IGSF10: variants seen among roughly 807,000 people sequenced by gnomAD.
IGSF10 encodes immunoglobulin superfamily member 10, also known as calvaria mechanical force protein 608.
In IGSF10, 126 loss-of-function variants were observed where a neutral mutation model predicts 128.2. The observed-to-expected ratio is 0.98, with a 90% CI of 0.85 to 1.14. The LOEUF is 1.14. IGSF10 is among the 50% of genes most tolerant of loss of function. IGSF10 has a pLI of 0.00. For synonymous variants in IGSF10, 1,185 were observed against 1,146.2 expected (o/e 1.03, Z -0.68); for missense variants, 3,295 against 3,149.8 (o/e 1.05, Z -1.10).
chr3:151,570,174 G>C, the IGSF10 span, among the ~76,000 whole-genome samples: 1 of 152,150 alleles, frequency 6.6e-6, no homozygotes, highest in Non-Finnish European at 1.5e-5. Context: ...TTGCTATTGT[G>C]AATAGTGCCG....
At chr3:151,530,681 A>T in the IGSF10 span, among the ~76,000 whole-genome samples, 11 of 152,180 alleles carry the variant, frequency 7.2e-5, no homozygotes, top group African/African-American at 2.4e-5. Context: ...TTTTGTCCCC[A>T]CCAGGCCTGC....
At chr3:151,486,682 G>A in the IGSF10 span, among the ~76,000 whole-genome samples, 1 of 152,118 alleles carries the variant, frequency 6.6e-6, no homozygotes, top group Non-Finnish European at 1.5e-5. Flanking sequence ...ACAGCTACAT[G>A]GAAACTGAAC....
chr3:151,460,289 T>C lies in IGSF10; in HGVS notation c.-30A>G, dbSNP rs1459513736. On this transcript the variant is annotated 5_prime_UTR_variant, in exon 2 of 8. Transcript: ENST00000282466. The stretch of plus-strand genomic sequence containing the variant: ...AGCTCTTCTTTCAGGTCCTGAGTCC[T>C]CTTGTGACATAGGCAGAGACAGAAA... The C allele has an allele frequency of 1.4e-5, 14 of 981,658 alleles. No individual in the cohort carries two copies. Among genetic ancestry groups the C allele is most frequent in the Non-Finnish European group, 1.6e-5 (13 of 826,574 alleles). 60.8% of individuals were successfully genotyped at this position (981,658 alleles called of 1,614,324 possible).
Position 151,459,043 on chromosome 3 carries a change from A to G in IGSF10, c.-1-333T>C, listed in dbSNP as rs1040877356. ...AGAAAGATTGTGACAACTAAAATAT[A>G]TAGAATTTAGTTTCCTTTATATACA... On this transcript the variant is annotated intron_variant, in intron 2 of 7. Transcript: ENST00000282466. Among the ~76,000 whole-genome samples the G allele has an allele frequency of 7.9e-5, 12 of 152,264 alleles. 1 individual carries two copies. Among genetic ancestry groups the G allele is most frequent in the Non-Finnish European group, 1.2e-4 (8 of 68,040 alleles).
At chr3:151,435,064 T>TTC (rs1275817731), downstream of IGSF10, 5 of 14,738 alleles carry the variant, frequency 3.4e-4, no homozygotes, top group African/African-American at 1.5e-3. Context: ...AGAGGTTTCT[T>TTC]TTTTTTTTTT....
chr3:151,486,798 C>T, the IGSF10 span, among the ~76,000 whole-genome samples: 1 of 152,134 alleles, frequency 6.6e-6, no homozygotes, highest in Non-Finnish European at 1.5e-5. Flanking sequence ...AGAACAAAGA[C>T]ACAATGTACC....
chr3:151,606,855 G>A, the IGSF10 span, among the ~76,000 whole-genome samples: 2 of 152,004 alleles, frequency 1.3e-5, no homozygotes, highest in Admixed American at 1.3e-4. Flanking sequence ...AGGTTGAATG[G>A]GTTTTTCTTT....
chr3:151,500,075 CATT>C, the IGSF10 span, among the ~76,000 whole-genome samples: 5 of 152,138 alleles, frequency 3.3e-5, no homozygotes, highest in Non-Finnish European at 7.4e-5. Flanking sequence ...TCAATGTTGA[CATT>C]AATTACCAAT....
In IGSF10 at chr3:151,437,697, G is replaced by A. The variant is rs375058796; in HGVS notation, c.6864C>T (p.Ser2288=). The stretch of plus-strand genomic sequence containing the variant: ...TTCCATTTTTATGGACTGTGATTCT[G>A]CTTCCATAGTATGGGGCTGTGAGGA... ...NIFLTAPYYG[S]RITVHKNGTL... Residue 2288 remains serine, a synonymous_variant, in exon 8 of 8, where the codon AGC becomes AGT. Coordinates refer to ENST00000282466, the MANE Select transcript of IGSF10 (RefSeq NM_178822.5). The A allele has an allele frequency of 1.2e-5, 20 of 1,613,970 alleles. No homozygotes were observed. Among genetic ancestry groups the A allele is most frequent in the Non-Finnish European group, 1.7e-5 (20 of 1,180,020 alleles).
At chr3:151,538,031 C>T in the IGSF10 span, among the ~76,000 whole-genome samples, 1 of 152,198 alleles carries the variant, frequency 6.6e-6, no homozygotes, top group Admixed American at 6.5e-5. Flanking sequence ...ATTACTCACT[C>T]CTCACTTTTC....
the IGSF10 span, among the ~76,000 whole-genome samples, chr3:151,593,166 T>C: frequency 2.0e-5 from 3 of 152,180 alleles, no homozygotes; most frequent in Non-Finnish European, 4.4e-5. Flanking sequence ...GTGCTCGCGC[T>C]GACATCCAGG....
chr3:151,486,807 C>T, the IGSF10 span, among the ~76,000 whole-genome samples: 4 of 152,068 alleles, frequency 2.6e-5, no homozygotes, highest in Admixed American at 6.5e-5. Context: ...ACACAATGTA[C>T]CAGAATCTCT....
chr3:151,460,108 G>A (rs992863067), intron 2 of IGSF10, among the ~76,000 whole-genome samples, 153 bp downstream of exon 2: 1 of 152,202 alleles, frequency 6.6e-6, no homozygotes, highest in Admixed American at 6.5e-5. Flanking sequence ...CAGGATGAAG[G>A]TAATTCTCTC....
chr3:151,465,417 A>G (rs1722246056), upstream of IGSF10, among the ~76,000 whole-genome samples: 1 of 152,218 alleles, frequency 6.6e-6, no homozygotes, highest in East Asian at 1.9e-4. Context: ...GTCGCTGTAA[A>G]TGCTCTGTGT....
chr3:151,483,652 C>T, the IGSF10 span, among the ~76,000 whole-genome samples: 1 of 152,088 alleles, frequency 6.6e-6, no homozygotes, highest in Non-Finnish European at 1.5e-5. Context: ...ATAGGTGCAG[C>T]CCAAGGAGGA....
the IGSF10 span, among the ~76,000 whole-genome samples, chr3:151,590,733 C>T: frequency 2.6e-5 from 4 of 151,986 alleles, no homozygotes; most frequent in Non-Finnish European, 4.4e-5. Context: ...CTATTTCATC[C>T]CATGGACAGA....
the IGSF10 span, among the ~76,000 whole-genome samples, chr3:151,607,124 A>G: frequency 6.6e-6 from 1 of 152,198 alleles, no homozygotes; most frequent in Non-Finnish European, 1.5e-5. Context: ...TTGAGCTTAA[A>G]GAGAACAAAG....
At chr3:151,615,506 T>G in the IGSF10 span, among the ~76,000 whole-genome samples, 26 of 152,174 alleles carry the variant, frequency 1.7e-4, no homozygotes, top group Non-Finnish European at 2.8e-4. Flanking sequence ...TAGAGAACTC[T>G]GAATATGTGA....
At chr3:151,497,213 C>T in the IGSF10 span, among the ~76,000 whole-genome samples, 1 of 152,122 alleles carries the variant, frequency 6.6e-6, no homozygotes, top group Non-Finnish European at 1.5e-5. Context: ...GCTTTTGTTG[C>T]CATTGCTTTT....
Sources: gnomAD v4.1 joint callset for allele counts (sites outside exome capture counted in the v4.1 genomes callset) on GRCh38, gnomAD v4.1.1 for gene constraint, MANE v1.5 for transcripts, NCBI Gene and HGNC (gene_info 2026-07-23, HGNC 2026-07-21) for gene names.